Variants in MYRFL observed in about 807,000 individuals in gnomAD.
The protein encoded by MYRFL is myelin regulatory factor like, also known as myelin regulatory factor-like protein.
MYRFL carries 88 observed loss-of-function variants against 109.4 expected under a neutral mutation model. That is an observed-to-expected ratio of 0.80 (90% CI 0.68 to 0.96). MYRFL has a LOEUF of 0.96. Ranked by LOEUF, MYRFL falls within the 40% of genes least tolerant of loss-of-function variation. The pLI is 0.00. For missense variants in MYRFL, 957 were observed against 954.9 expected, an observed-to-expected ratio of 1.00 and a Z score of -0.03; for synonymous variants, 324 against 320.9, an observed-to-expected ratio of 1.01 and a Z score of -0.10.
At chr12:69,853,349 C>G (rs1448456505) in intron 1 of MYRFL, among the ~76,000 whole-genome samples, 1 of 151,124 alleles carries the variant, frequency 6.6e-6, no homozygotes, top group African/African-American at 2.4e-5. Flanking sequence ...GGGCTCCTCA[C>G]TTCCCAGATG....
At chr12:69,949,245 A>T (rs62994160) in intron 19 of MYRFL, among the ~76,000 whole-genome samples, 1 of 61,008 alleles carries the variant, frequency 1.6e-5, no homozygotes, top group Non-Finnish European at 3.7e-5. Flanking sequence ...TCTGCAAATT[A>T]AAAAAAAAAA....
At chr12:69,825,915 G>T (rs1453367651) in intron 1 of MYRFL, among the ~76,000 whole-genome samples, 2 of 152,040 alleles carry the variant, frequency 1.3e-5, no homozygotes, top group Non-Finnish European at 2.9e-5. Context: ...TCCATGTGAA[G>T]GGAAACGTGA....
At chr12:69,866,242 A>G (rs1484911554) in intron 2 of MYRFL, among the ~76,000 whole-genome samples, 1 of 152,108 alleles carries the variant, frequency 6.6e-6, no homozygotes, top group East Asian at 1.9e-4. Context: ...AGATTGTCAG[A>G]GTTCACGTTC....
At chr12:69,853,944 T>A (rs1209884057) in intron 1 of MYRFL, among the ~76,000 whole-genome samples, 9 of 150,742 alleles carry the variant, frequency 6.0e-5, no homozygotes, top group African/African-American at 2.2e-4. Flanking sequence ...CCAGACGGGG[T>A]GGCGGCCGGG....
intron 5 of MYRFL, among the ~76,000 whole-genome samples, chr12:69,882,114 T>C (rs892611788): frequency 6.6e-6 from 1 of 152,210 alleles, no homozygotes; most frequent in African/African-American, 2.4e-5. Flanking sequence ...AGAAAGGTCA[T>C]TGATTCATCA....
chr12:69,867,003 C>T (rs572957375), intron 2 of MYRFL, among the ~76,000 whole-genome samples: 87 of 152,288 alleles, frequency 5.7e-4, no homozygotes, highest in South Asian at 3.1e-3. Context: ...CCATTTGGGA[C>T]GCATTATTCA....
chr12:69,915,985 TC>T lies in MYRFL; in HGVS notation c.1602+5056del, dbSNP rs1954716613. 3.3e-5 allele frequency among the ~76,000 whole-genome samples: 5 copies of T among 152,200 alleles called. No homozygotes were observed. In the South Asian group the frequency reaches 1.0e-3, roughly 32 times the overall value. On this transcript the variant is annotated intron_variant, in intron 13 of 24. Coordinates refer to ENST00000552032, the MANE Select transcript of MYRFL (RefSeq NM_182530.3). Reference sequence around the variant, plus strand: ...TGAACCTGTTTAAAGGTGAGGTGTGTCTTGTGAATAATTATTCCTTGGACAA... The same window carrying T: ...TGAACCTGTTTAAAGGTGAGGTGTGTTTGTGAATAATTATTCCTTGGACAA...
chr12:69,832,819 A>C (rs1035646606), intron 1 of MYRFL, among the ~76,000 whole-genome samples: 4 of 151,948 alleles, frequency 2.6e-5, no homozygotes, highest in African/African-American at 9.7e-5. Flanking sequence ...AGGCAGGGGC[A>C]GATGGGTGGG....
chr12:69,830,989 A>G (rs927511682), intron 1 of MYRFL, among the ~76,000 whole-genome samples: 1 of 152,182 alleles, frequency 6.6e-6, no homozygotes, highest in Middle Eastern at 3.2e-3. Context: ...TAAACATTCA[A>G]TACATGGACA....
At chr12:69,892,182 G>C (rs1886955777) in intron 7 of MYRFL, among the ~76,000 whole-genome samples, 1 of 151,988 alleles carries the variant, frequency 6.6e-6, no homozygotes, top group Non-Finnish European at 1.5e-5. Flanking sequence ...CCTAAAAAAA[G>C]CCAAGGAGCC....
At chr12:69,891,605 C>CTTTCCTCCTTCCTTTCTTTT (rs1555249258) in intron 7 of MYRFL, among the ~76,000 whole-genome samples, 69 of 53,022 alleles carry the variant, frequency 1.3e-3, no homozygotes, top group Admixed American at 2.3e-3. Context: ...TTCTTTCTTT[C>CTTTCCTCCTTCCTTTCTTTT]TCTTTCTTTC....
At chr12:69,937,950 A>T (rs1955520594) in intron 19 of MYRFL, among the ~76,000 whole-genome samples, 1 of 152,084 alleles carries the variant, frequency 6.6e-6, no homozygotes, top group Non-Finnish European at 1.5e-5. Context: ...TAATCTTCAC[A>T]AGCCTACAAA....
At position 69,868,231 on chromosome 12, in the gene MYRFL, C is replaced by T. The variant is rs1037045421; in HGVS notation, c.138-10797C>T. Among the ~76,000 whole-genome samples, 5 of 152,066 alleles carry T rather than the reference C, an allele frequency of 3.3e-5. No individual in the cohort carries two copies. In the South Asian group the frequency reaches 8.3e-4, roughly 25 times the overall value. On this transcript the variant is annotated intron_variant, in intron 2 of 24. Coordinates refer to ENST00000552032, the MANE Select transcript of MYRFL (RefSeq NM_182530.3). The stretch of plus-strand genomic sequence containing the variant: ...AAGCAATTCTCCTGCCTCAGCCTCC[C>T]GAGTAGCTGGGACTACAGGTTTGCG...
intron 5 of MYRFL, among the ~76,000 whole-genome samples, chr12:69,883,794 T>G (rs1418207734): frequency 1.3e-5 from 2 of 151,924 alleles, no homozygotes; most frequent in East Asian, 3.9e-4. Flanking sequence ...GAGGAAAGCT[T>G]CAGCCCAGGA....
chr12:69,905,235 A>G (rs557488041), intron 11 of MYRFL, among the ~76,000 whole-genome samples: 216 of 152,380 alleles, frequency 1.4e-3, no homozygotes, highest in Non-Finnish European at 2.7e-3. Flanking sequence ...ATAACAAGTG[A>G]GAAAAGTCCT....
rs1250909343 is a variant in MYRFL at position 69,891,163 on chromosome 12, T to C, written c.900T>C (p.Thr300=). The part of the protein sequence containing the change: ...IEMFYLKVFG[T]KVEATNQIIA... ...TGTTTTACTTGAAAGTTTTTGGCAC[T>C]AAGGTATGTCTTTTATTTAGTTCAG... The change falls in exon 7 of 25, where the codon ACT becomes ACC. Residue 300 remains threonine, a synonymous_variant. Coordinates refer to ENST00000552032, the MANE Select transcript of MYRFL (RefSeq NM_182530.3). 1 of 1,514,498 alleles carries C rather than the reference T, an allele frequency of 6.6e-7. No homozygotes were observed. The allele number at this position is 1,514,498 out of a possible 1,614,324, so 93.8% of individuals were successfully genotyped here. A position where few individuals can be genotyped will look rare whatever the true frequency, so the allele number is the denominator to read the frequency against.
At chr12:69,926,767 G>T in intron 14 of MYRFL, 33 bp downstream of exon 14, 1 of 1,383,728 alleles carries the variant, frequency 7.2e-7, no homozygotes, top group South Asian at 1.8e-5. Flanking sequence ...TAGAAATTTG[G>T]GGAAAGGAGA....
At chr12:69,925,447 A>C in intron 13 of MYRFL, among the ~76,000 whole-genome samples, 1 of 152,234 alleles carries the variant, frequency 6.6e-6, no homozygotes, top group Non-Finnish European at 1.5e-5. Context: ...TCAAAGGCAC[A>C]TAGCCCTGAG....
At chr12:69,857,530 T>C (rs546503644) in intron 2 of MYRFL, among the ~76,000 whole-genome samples, 1 of 151,978 alleles carries the variant, frequency 6.6e-6, no homozygotes, top group South Asian at 2.1e-4. Flanking sequence ...GAACATGGTA[T>C]ATCTATTTAT....
Sources: gnomAD v4.1 joint callset for allele counts (sites outside exome capture counted in the v4.1 genomes callset) on GRCh38, gnomAD v4.1.1 for gene constraint, MANE v1.5 for transcripts, NCBI Gene and HGNC (gene_info 2026-07-23, HGNC 2026-07-21) for gene names.